INTS7: variants seen among roughly 807,000 people sequenced by gnomAD.
INTS7 encodes chromosome 1 open reading frame 73.
In INTS7, 46 loss-of-function variants were observed where a neutral mutation model predicts 109.2. The observed-to-expected ratio is 0.42, with a 90% CI of 0.33 to 0.54. INTS7 has a LOEUF of 0.54. INTS7 is among the 20% of genes least tolerant of loss of function. INTS7 has a pLI of 0.07. For missense variants in INTS7, 929 were observed against 1,132.4 expected (o/e 0.82, Z 2.58); for synonymous variants, 412 against 402.9 (o/e 1.02, Z -0.27).
chr1:212,014,876 G>A (rs538977905), intron 4 of INTS7, among the ~76,000 whole-genome samples: 1 of 152,326 alleles, frequency 6.6e-6, no homozygotes, highest in Non-Finnish European at 1.5e-5. Flanking sequence ...GTGCAGTGGT[G>A]TGATCTCCGC....
intron 18 of INTS7, among the ~76,000 whole-genome samples, chr1:211,945,284 A>T (rs1662802091): frequency 6.6e-6 from 1 of 152,238 alleles, no homozygotes; most frequent in African/African-American, 2.4e-5. Flanking sequence ...TAGTAGGGAA[A>T]GGCATTATAT....
rs1571910109 is a variant in INTS7 at position 212,016,887 on chromosome 1, TTGAC to T, written c.504_507del (p.Ser169ArgfsTer5). ...AGGGATGTACTTTTGTAAGCTTACT[TTGAC>T]TGTGCAGAGAAGTTTGCAGCAGCAA... On this transcript the variant is annotated frameshift_variant and splice_region_variant, in exon 4 of 20. Coordinates refer to ENST00000366994, the MANE Select transcript of INTS7 (RefSeq NM_015434.4). LOFTEE classifies it high-confidence loss of function. 3 of 1,595,322 alleles carry T rather than the reference TTGAC, an allele frequency of 1.9e-6. No individual in the cohort carries two copies. Among genetic ancestry groups the T allele is most frequent in the Non-Finnish European group, 2.6e-6 (3 of 1,174,334 alleles).
At chr1:211,999,931 CCT>C (rs1216974393) in intron 7 of INTS7, among the ~76,000 whole-genome samples, 2 of 151,908 alleles carry the variant, frequency 1.3e-5, no homozygotes, top group African/African-American at 2.4e-5. Flanking sequence ...AGGGTGAAAC[CCT>C]GTCTCTACTA....
At chr1:211,980,370 A>G (rs1447247746) in intron 10 of INTS7, among the ~76,000 whole-genome samples, 1 of 152,190 alleles carries the variant, frequency 6.6e-6, no homozygotes, top group African/African-American at 2.4e-5. Context: ...TCTCCTCATT[A>G]ATTTTGCACC....
rs1001079908 is a variant in INTS7 at position 211,941,682 on chromosome 1, T to C, written c.*142A>G. The C allele has an allele frequency of 4.5e-6, 6 of 1,325,888 alleles. No individual in the cohort carries two copies. In the African/African-American group the frequency reaches 8.9e-5, roughly 20 times the overall value. The allele number at this position is 1,325,888 out of a possible 1,614,324, so 82.1% of individuals were successfully genotyped here. ...AGACAAAATTTTTAAGAAAACAAAA[T>C]TTTTTCCAGAATATTACATTACAAA... is the stretch of plus-strand genomic sequence containing the variant. On this transcript the variant is annotated 3_prime_UTR_variant, in exon 20 of 20. Coordinates refer to ENST00000366994, the MANE Select transcript of INTS7 (RefSeq NM_015434.4).
chr1:212,006,611 T>A, intron 7 of INTS7, 28 bp downstream of exon 7: 1 of 1,201,604 alleles, frequency 8.3e-7, no homozygotes, highest in Non-Finnish European at 1.1e-6. Flanking sequence ...TTATTTTTTC[T>A]ATATAAAATG....
chr1:211,962,815 G>C (rs1663698733), intron 16 of INTS7, among the ~76,000 whole-genome samples: 1 of 152,144 alleles, frequency 6.6e-6, no homozygotes, highest in Non-Finnish European at 1.5e-5. Context: ...AAATCAAGAA[G>C]TTCTTTGAAA....
At chr1:212,019,837 G>A (rs769081519) in intron 3 of INTS7, among the ~76,000 whole-genome samples, 54 of 152,170 alleles carry the variant, frequency 3.5e-4, no homozygotes, top group Non-Finnish European at 7.2e-4. Flanking sequence ...CTGAGGCTAA[G>A]CTATATTGAG....
chr1:212,011,160 C>T (rs909819505), intron 5 of INTS7, among the ~76,000 whole-genome samples: 20 of 151,828 alleles, frequency 1.3e-4, no homozygotes, highest in African/African-American at 4.3e-4. Flanking sequence ...CCACACACCC[C>T]ACCCCTGACT....
chr1:211,991,453 A>T (rs1333576971), intron 7 of INTS7, among the ~76,000 whole-genome samples: 4 of 152,262 alleles, frequency 2.6e-5, no homozygotes. Flanking sequence ...AAAAAAATAG[A>T]TATTGGTTGC....
intron 4 of INTS7, among the ~76,000 whole-genome samples, chr1:212,013,656 G>GT (rs1476106663): frequency 4.6e-5 from 7 of 152,144 alleles, no homozygotes; most frequent in Non-Finnish European, 8.8e-5. Flanking sequence ...TCCATTCATG[G>GT]TAAGTGCCCT....
At chr1:211,953,965 G>A (rs1195718460) in intron 16 of INTS7, among the ~76,000 whole-genome samples, 1 of 152,136 alleles carries the variant, frequency 6.6e-6, no homozygotes, top group Non-Finnish European at 1.5e-5. Flanking sequence ...GATCCCTGAG[G>A]AATTGCCACA....
intron 4 of INTS7, chr1:212,011,671 GT>G (rs1336460853): frequency 2.6e-6 from 1 of 381,326 alleles, no homozygotes; most frequent in Non-Finnish European, 4.8e-6. Flanking sequence ...ACAATACAGT[GT>G]TATTTTTTCA....
rs769112626 is a variant in INTS7, at chr1:211,959,867, G to A, written c.2183+6563C>T. ...CAACAGGGTTCCCCTGCACCCCACC[G>A]GCCACCTGCGCTGCCTCTGCTGCTG... On this transcript the variant is annotated intron_variant, in intron 16 of 19. Transcript: ENST00000366994. This position sits in a 1 kb window ranked among gnomAD's most constrained non-coding sequence, Gnocchi z 4.2. 3.3e-5 allele frequency among the ~76,000 whole-genome samples: 5 copies of A among 152,144 alleles called. No homozygotes were observed. Among genetic ancestry groups the A allele is most frequent in the East Asian group, 1.9e-4 (1 of 5,194 alleles).
chr1:211,951,650 G>C (rs971000628), intron 17 of INTS7, among the ~76,000 whole-genome samples: 4 of 152,120 alleles, frequency 2.6e-5, no homozygotes, highest in African/African-American at 9.7e-5. Flanking sequence ...CAGAGCTCTC[G>C]ATCTCTCCCT....
intron 17 of INTS7, among the ~76,000 whole-genome samples, chr1:211,948,796 C>T (rs141909914): frequency 1.1e-3 from 161 of 152,360 alleles, no homozygotes; most frequent in African/African-American, 3.8e-3. Context: ...CACCCTCGGC[C>T]TCCCAGGTTC....
rs547286692 is a variant in INTS7 at position 212,032,634 on chromosome 1, G to A, written c.94+2710C>T. On this transcript the variant is annotated intron_variant, in intron 1 of 19. Transcript: ENST00000366994. ...TGGAACTACAGGTGCCCACCACCACGCCTGGCTAATTTTTTGTATTTTGTT... is the reference window on the plus strand; with the variant it reads ...TGGAACTACAGGTGCCCACCACCACACCTGGCTAATTTTTTGTATTTTGTT... Among the ~76,000 whole-genome samples the A allele has an allele frequency of 1.8e-4, 28 of 152,028 alleles. No homozygotes were observed. The East Asian group carries it at 3.1e-3, about 17-fold the overall frequency.
intron 11 of INTS7, among the ~76,000 whole-genome samples, chr1:211,977,985 T>C (rs892587445): frequency 2.0e-5 from 3 of 151,960 alleles, no homozygotes; most frequent in Non-Finnish European, 4.4e-5. Flanking sequence ...AAAAAAAACA[T>C]GAGATTGAAG....
At chr1:212,025,639 G>C (rs1666883387) in intron 1 of INTS7, 2 of 202,072 alleles carry the variant, frequency 9.9e-6, no homozygotes, top group East Asian at 1.1e-4. Flanking sequence ...ACCCAGAGAA[G>C]AGACTGGAAA....
Sources: gnomAD v4.1 joint callset for allele counts (sites outside exome capture counted in the v4.1 genomes callset) on GRCh38, gnomAD v4.1.1 for gene constraint, Gnocchi (gnomAD v3.1) non-coding constraint, MANE v1.5 for transcripts, NCBI Gene and HGNC (gene_info 2026-07-23, HGNC 2026-07-21) for gene names.